Variants in PTGFRN observed in about 807,000 individuals in gnomAD.
PTGFRN encodes prostaglandin F2 receptor inhibitor, also known as prostaglandin F2 receptor negative regulator.
A neutral mutation model predicts 83.2 loss-of-function variants in PTGFRN; 35 were observed. That is an observed-to-expected ratio of 0.42 (90% CI 0.32 to 0.56). The LOEUF (loss-of-function observed/expected upper bound fraction) is 0.56, where lower values mean the gene tolerates loss of function less well. PTGFRN is among the 20% of genes least tolerant of loss of function. PTGFRN has a pLI of 0.11. For synonymous variants in PTGFRN, 519 were observed against 498.6 expected (o/e 1.04, Z -0.55); for missense variants, 1,051 against 1,179.5 (o/e 0.89, Z 1.60).
intron 1 of PTGFRN, among the ~76,000 whole-genome samples, chr1:116,927,903 A>G (rs1649694221): frequency 6.6e-6 from 1 of 152,194 alleles, no homozygotes; most frequent in Non-Finnish European, 1.5e-5. Context: ...GATGAAATGC[A>G]AAGTCTTTGT....
intron 1 of PTGFRN, among the ~76,000 whole-genome samples, chr1:116,910,948 C>T (rs1041927072): frequency 2.0e-5 from 3 of 152,174 alleles, no homozygotes; most frequent in South Asian, 2.1e-4. Context: ...CTGTTACTTT[C>T]CCTCCCTTAC....
At position 116,949,524 on chromosome 1, in the gene PTGFRN, G is replaced by A; in HGVS notation, c.1165G>A (p.Val389Met). Reference protein sequence around the residue: ...APGHNRSWHKVAEAVSSPAGV... With the variant: ...APGHNRSWHKMAEAVSSPAGV... ...CGGACACAACAGGAGCTGGCACAAA[G>A]TGGCAGAGGCCGTGTCTTCCCCAGC... The change falls in exon 4 of 9, where the codon GTG (valine) becomes ATG (methionine). Residue 389 changes from valine to methionine, a missense_variant. This residue lies in a region of PTGFRN where 719 missense variants were observed against 836.6 expected (regional missense o/e 0.86). Transcript: ENST00000393203. The A allele has an allele frequency of 1.9e-6, 3 of 1,614,118 alleles. No individual in the cohort carries two copies. Among genetic ancestry groups the A allele is most frequent in the East Asian group, 2.2e-5 (1 of 44,886 alleles).
intron 1 of PTGFRN, among the ~76,000 whole-genome samples, chr1:116,927,401 A>G (rs7528881): frequency 0.023 from 3,527 of 152,164 alleles, 131 homozygotes; most frequent in African/African-American, 0.08. Flanking sequence ...TGTCATAGTT[A>G]TATGATCTAG....
chr1:116,913,215 T>C (rs1649317216), intron 1 of PTGFRN, among the ~76,000 whole-genome samples: 1 of 152,146 alleles, frequency 6.6e-6, no homozygotes, highest in South Asian at 2.1e-4. Context: ...GGATGATTAA[T>C]TTTGACTTGG....
intron 6 of PTGFRN, among the ~76,000 whole-genome samples, chr1:116,971,167 A>G (rs1181122772): frequency 6.6e-6 from 1 of 152,132 alleles, no homozygotes; most frequent in Non-Finnish European, 1.5e-5. Context: ...TGTACATACA[A>G]TTTTAGGACC....
At chr1:116,956,068 A>G (rs1650478872) in intron 4 of PTGFRN, among the ~76,000 whole-genome samples, 1 of 152,232 alleles carries the variant, frequency 6.6e-6, no homozygotes, top group Non-Finnish European at 1.5e-5. Flanking sequence ...ATGTTAAAGG[A>G]CAATCTCTGT....
At chr1:116,910,293 C>G (rs1270643672) in intron 1 of PTGFRN, 41 bp downstream of exon 1, 8 of 1,371,976 alleles carry the variant, frequency 5.8e-6, no homozygotes, top group Non-Finnish European at 6.5e-6. Flanking sequence ...CGGGGACTGG[C>G]GAGGCCCTGG....
chr1:116,967,382 G>A, intron 6 of PTGFRN, 52 bp downstream of exon 6: 4 of 1,526,706 alleles, frequency 2.6e-6, no homozygotes, highest in African/African-American at 1.4e-5. Flanking sequence ...AGACCCTAGG[G>A]TTTTGATCAG....
chr1:116,974,860 C>T (rs1651101712), intron 7 of PTGFRN, among the ~76,000 whole-genome samples: 2 of 152,136 alleles, frequency 1.3e-5, no homozygotes, highest in African/African-American at 4.8e-5. Context: ...CTCACTGGGG[C>T]TTGTTGGGCA....
At chr1:116,959,709 C>T (rs778197880) in intron 4 of PTGFRN, among the ~76,000 whole-genome samples, 14 of 152,070 alleles carry the variant, frequency 9.2e-5, no homozygotes, top group Non-Finnish European at 1.6e-4. Context: ...TGCGGTGGCT[C>T]GTTCCTGTAA....
intron 7 of PTGFRN, among the ~76,000 whole-genome samples, chr1:116,976,472 A>C (rs936717758): frequency 1.3e-5 from 2 of 152,224 alleles, no homozygotes; most frequent in Non-Finnish European, 2.9e-5. Flanking sequence ...GCTGCCAGAG[A>C]GAAAGGTTGG....
intron 6 of PTGFRN, among the ~76,000 whole-genome samples, chr1:116,973,408 C>T (rs547202443): frequency 4.5e-4 from 69 of 152,072 alleles, no homozygotes; most frequent in African/African-American, 1.7e-3. Context: ...GGTTCGAGAC[C>T]AGGCTGGCCA....
At position 116,945,171 on chromosome 1, in the gene PTGFRN, C is replaced by G. The variant is rs922654149; in HGVS notation, c.832+79C>G. On this transcript the variant is annotated intron_variant, in intron 3 of 8. Coordinates refer to ENST00000393203, the MANE Select transcript of PTGFRN (RefSeq NM_020440.4). ...GATACAAAGAACCGGGCCAGGGAGC[C>G]CCATGGCCTTCTGACAAGAACTGTT... The G allele has an allele frequency of 1.1e-5, 17 of 1,487,746 alleles. No homozygotes were observed. The Admixed American group carries it at 2.3e-4, about 20-fold the overall frequency. 92.2% of individuals were successfully genotyped at this position (1,487,746 alleles called of 1,614,324 possible). A position where few individuals can be genotyped will look rare whatever the true frequency, so the allele number is the denominator to read the frequency against.
intron 6 of PTGFRN, among the ~76,000 whole-genome samples, chr1:116,971,997 A>AC (rs1275639475): frequency 1.3e-5 from 2 of 151,868 alleles, no homozygotes; most frequent in South Asian, 2.1e-4. Flanking sequence ...GAAAAATGTG[A>AC]CCCCCCTGCC....
intron 7 of PTGFRN, among the ~76,000 whole-genome samples, chr1:116,977,593 A>T (rs1340037097): frequency 5.9e-5 from 9 of 152,252 alleles, no homozygotes; most frequent in African/African-American, 2.2e-4. Context: ...AACTACATGG[A>T]AACTGAACAA....
At chr1:116,986,548 AG>A (rs1442467149) in intron 8 of PTGFRN, among the ~76,000 whole-genome samples, 1 of 152,236 alleles carries the variant, frequency 6.6e-6, no homozygotes, top group Admixed American at 6.5e-5. Context: ...TGACATTCAA[AG>A]GCATCGAGTG....
Position 116,961,757 on chromosome 1 carries a change from T to A in PTGFRN, c.1639+89T>A. 1 of 1,253,906 alleles carries A rather than the reference T, an allele frequency of 8.0e-7. No individual in the cohort carries two copies. Among genetic ancestry groups the A allele is most frequent in the Admixed American group, 2.5e-5 (1 of 40,804 alleles). The allele number at this position is 1,253,906 out of a possible 1,614,324, so 77.7% of individuals were successfully genotyped here. A position where few individuals can be genotyped will look rare whatever the true frequency, so the allele number is the denominator to read the frequency against. ...TTGATGCACAGTCACCCTCTGCAGG[T>A]TATCACTTACACTAGGAATGTGTGT... On this transcript the variant is annotated intron_variant, in intron 5 of 8. Transcript: ENST00000393203. This position sits in a 1 kb window ranked among gnomAD's most constrained non-coding sequence, Gnocchi z 5.4.
At chr1:116,943,029 T>C (rs1275847494) in intron 2 of PTGFRN, among the ~76,000 whole-genome samples, 3 of 152,358 alleles carry the variant, frequency 2.0e-5, no homozygotes, top group African/African-American at 4.8e-5. Context: ...TATGCATTTA[T>C]TTGTACCCTG....
intron 1 of PTGFRN, among the ~76,000 whole-genome samples, chr1:116,925,155 C>A (rs2101054214): frequency 6.6e-6 from 1 of 151,750 alleles, no homozygotes; most frequent in African/African-American, 2.4e-5. Context: ...CCAGCTGTCG[C>A]AGTGGCTTAC....
Sources: allele counts gnomAD v4.1 joint callset (sites outside exome capture counted in the v4.1 genomes callset), GRCh38; gene constraint gnomAD v4.1.1; regional missense constraint gnomAD v4.1.1; non-coding constraint Gnocchi (gnomAD v3.1); transcripts MANE v1.5; gene names NCBI Gene and HGNC (gene_info 2026-07-23, HGNC 2026-07-21).